Variants in LRRFIP1 observed in about 807,000 individuals in gnomAD.
LRRFIP1 encodes LRR binding FLII interacting protein 1, also known as leucine-rich repeat flightless-interacting protein 1.
LRRFIP1 carries 62 observed loss-of-function variants against 104.4 expected under a neutral mutation model. That is an observed-to-expected ratio of 0.59 (90% CI 0.48 to 0.73). LRRFIP1 has a LOEUF of 0.73. Among genes scored for constraint, LRRFIP1 ranks in the 30% least tolerant of loss-of-function variants. The pLI is 0.00. For missense variants in LRRFIP1, 796 were observed against 824.5 expected, an observed-to-expected ratio of 0.97 and a Z score of 0.42; for synonymous variants, 300 against 299.0, an observed-to-expected ratio of 1.00 and a Z score of -0.03.
intron 1 of LRRFIP1, among the ~76,000 whole-genome samples, chr2:237,698,029 T>A (rs57527246): frequency 0.042 from 6,336 of 152,282 alleles, 488 homozygotes; most frequent in African/African-American, 0.15. Context: ...AGCCCAAGAT[T>A]GTGTTGTGAG....
intron 1 of LRRFIP1, among the ~76,000 whole-genome samples, chr2:237,676,561 A>C (rs1320393712): frequency 1.3e-5 from 2 of 152,216 alleles, no homozygotes. Flanking sequence ...GCTGGAGTTC[A>C]GTGACACGAT....
At chr2:237,763,501 G>A (rs115798842) in intron 19 of LRRFIP1, 53 of 1,613,600 alleles carry the variant, frequency 3.3e-5, no homozygotes, top group East Asian at 4.5e-5. Context: ...AAGAGTTAAC[G>A]TATCAGAACA....
At chr2:237,679,207 T>C (rs2091519356) in intron 1 of LRRFIP1, among the ~76,000 whole-genome samples, 1 of 152,280 alleles carries the variant, frequency 6.6e-6, no homozygotes, top group African/African-American at 2.4e-5. Flanking sequence ...AGACGTGTAA[T>C]TTGTTTCCTT....
At chr2:237,671,547 G>C (rs530998641) in intron 1 of LRRFIP1, among the ~76,000 whole-genome samples, 1 of 152,180 alleles carries the variant, frequency 6.6e-6, no homozygotes, top group Non-Finnish European at 1.5e-5. Context: ...AAAGGGAACT[G>C]TGGTAGGATG....
rs1204555718 is a variant in LRRFIP1 at position 237,762,478 on chromosome 2, C to A, written c.1459+2273C>A. ...ACTGGCAAAGGCTTGTTTCTCATGA[C>A]TCTTTGATGACTCTGTCTTTAGGAA... On this transcript the variant is annotated intron_variant, in intron 19 of 23. Coordinates refer to ENST00000308482, the MANE Select transcript of LRRFIP1 (RefSeq NM_001137550.2). The A allele has an allele frequency of 3.4e-5, 27 of 789,550 alleles. No homozygotes were observed. The East Asian group carries it at 7.3e-4, about 21-fold the overall frequency. The allele number at this position is 789,550 out of a possible 1,614,324, so 48.9% of individuals were successfully genotyped here.
chr2:237,634,782 T>G (rs1033609775), intron 1 of LRRFIP1, among the ~76,000 whole-genome samples: 5 of 152,264 alleles, frequency 3.3e-5, no homozygotes, highest in African/African-American at 1.2e-4. Flanking sequence ...ATTGCTCATC[T>G]GCCTACATAT....
chr2:237,677,905 A>C lies in LRRFIP1; in HGVS notation c.97-30639A>C, dbSNP rs1260200816. Among the ~76,000 whole-genome samples the C allele has an allele frequency of 3.3e-5, 5 of 152,338 alleles. No individual in the cohort carries two copies. In the South Asian group the frequency reaches 6.2e-4, roughly 19 times the overall value. On this transcript the variant is annotated intron_variant, in intron 1 of 23. Transcript: ENST00000308482. ...ATATTGTATTCTAAATGTAGGGCAT[A>C]TATTTTAAATAATCGTAGAGTGTTA...
intron 1 of LRRFIP1, among the ~76,000 whole-genome samples, chr2:237,683,091 G>C (rs1320605102): frequency 6.6e-6 from 1 of 152,212 alleles, no homozygotes; most frequent in Non-Finnish European, 1.5e-5. Flanking sequence ...AGCCGCCCAC[G>C]ACAAGGAACT....
At chr2:237,694,843 G>T (rs963287501) in intron 1 of LRRFIP1, among the ~76,000 whole-genome samples, 2 of 152,230 alleles carry the variant, frequency 1.3e-5, no homozygotes, top group African/African-American at 2.4e-5. Context: ...CTGTGTTTGC[G>T]ATGGCTTGTG....
At position 237,691,695 on chromosome 2, in the gene LRRFIP1, C is replaced by G. The variant is rs557211185; in HGVS notation, c.97-16849C>G. 6.6e-6 allele frequency among the ~76,000 whole-genome samples: 1 copy of G among 152,036 alleles called. No homozygotes were observed. Among genetic ancestry groups the G allele is most frequent in the Non-Finnish European group, 1.5e-5 (1 of 67,990 alleles). ...GCCCAGCCCCGGGCAGGTCCCCCCC[C>G]GGAGGGGACCCCCTCTTCGGGTCGA... On this transcript the variant is annotated intron_variant, in intron 1 of 23. Transcript: ENST00000308482. The surrounding 1 kb of genome is among the most constrained non-coding windows in gnomAD (Gnocchi z 5.4).
chr2:237,676,665 G>A (rs2091203589), intron 1 of LRRFIP1, among the ~76,000 whole-genome samples: 1 of 152,140 alleles, frequency 6.6e-6, no homozygotes, highest in African/African-American at 2.4e-5. Flanking sequence ...AACATACCTG[G>A]CTAATTTTTG....
chr2:237,761,530 G>A (rs2150841244), intron 19 of LRRFIP1, among the ~76,000 whole-genome samples: 1 of 152,334 alleles, frequency 6.6e-6, no homozygotes, highest in South Asian at 2.1e-4. Flanking sequence ...GTAAGAACCA[G>A]AAATGTCAGT....
At chr2:237,752,009 C>G (rs11689906) in intron 14 of LRRFIP1, among the ~76,000 whole-genome samples, 1 of 152,148 alleles carries the variant, frequency 6.6e-6, no homozygotes, top group Non-Finnish European at 1.5e-5. Context: ...CAAAGGGCAC[C>G]AGACAGAGGA....
In LRRFIP1 at chr2:237,756,090, T is replaced by C; in HGVS notation, c.1039-5T>C. 1 of 1,609,930 alleles carries C rather than the reference T, an allele frequency of 6.2e-7. No individual in the cohort carries two copies. The highest frequency in any genetic ancestry group is 8.5e-7 in the Non-Finnish European group (1 of 1,176,540). ...CTGCTTTAGTGCTGTTTTTCTCCTT[T>C]ACAGGAATTTGAAAGGGAAAAACAC... On this transcript the variant is annotated splice_polypyrimidine_tract_variant and splice_region_variant and intron_variant, in intron 15 of 23. Transcript: ENST00000308482.
At chr2:237,663,753 G>A (rs73091783) in intron 1 of LRRFIP1, among the ~76,000 whole-genome samples, 3,047 of 152,096 alleles carry the variant, frequency 0.02, 120 homozygotes, top group African/African-American at 0.07. Context: ...TTGGTGGAGC[G>A]GGGACCCGGG....
At chr2:237,730,858 C>CA (rs1301173090) in intron 8 of LRRFIP1, among the ~76,000 whole-genome samples, 4 of 152,206 alleles carry the variant, frequency 2.6e-5, no homozygotes, top group African/African-American at 9.7e-5. Context: ...GCAGAGGTTG[C>CA]AGTGAGCCAA....
intron 1 of LRRFIP1, among the ~76,000 whole-genome samples, chr2:237,639,039 G>A (rs950897406): frequency 2.0e-5 from 3 of 152,202 alleles, no homozygotes; most frequent in Non-Finnish European, 4.4e-5. Context: ...TATCGTGTGG[G>A]GCAGTCATGG....
chr2:237,744,391 G>A (rs2057527001), intron 11 of LRRFIP1, among the ~76,000 whole-genome samples: 1 of 151,936 alleles, frequency 6.6e-6, no homozygotes, highest in South Asian at 2.1e-4. Flanking sequence ...GGGCCCTTGA[G>A]TAGGGTCTCT....
At chr2:237,732,383 C>A (rs1163872225) in intron 8 of LRRFIP1, among the ~76,000 whole-genome samples, 1 of 152,172 alleles carries the variant, frequency 6.6e-6, no homozygotes, top group African/African-American at 2.4e-5. Flanking sequence ...GGCTCCCACA[C>A]CCCTGTCTGC....
Sources: allele counts gnomAD v4.1 joint callset (sites outside exome capture counted in the v4.1 genomes callset), GRCh38; gene constraint gnomAD v4.1.1; non-coding constraint Gnocchi (gnomAD v3.1); transcripts MANE v1.5; gene names NCBI Gene and HGNC (gene_info 2026-07-23, HGNC 2026-07-21).